The following ZMIZ2 variants were observed in gnomAD, a reference collection of about 807,000 sequenced individuals.
ZMIZ2 encodes the protein zinc finger MIZ-type containing 2, also known as zinc finger MIZ domain-containing protein 2.
ZMIZ2 carries 26 observed loss-of-function variants against 93.9 expected under a neutral mutation model. That is an observed-to-expected ratio of 0.28 (90% confidence interval 0.20 to 0.38). The LOEUF (loss-of-function observed/expected upper bound fraction) is 0.38. Ranked by LOEUF, ZMIZ2 falls within the 10% of genes least tolerant of loss-of-function variation. The probability of loss-of-function intolerance (pLI) is 1.00; values close to 1 mark genes in which losing one functional copy is unlikely to be tolerated. For synonymous variants in ZMIZ2, 485 were observed against 516.4 expected, an observed-to-expected ratio of 0.94 and a Z score of 0.82; for missense variants, 1,023 against 1,235.0, an observed-to-expected ratio of 0.83 and a Z score of 2.57.
chr7:44,756,637 G>C, intron 3 of ZMIZ2, 98 bp downstream of exon 3: 3 of 1,329,618 alleles, frequency 2.3e-6, no homozygotes, highest in Non-Finnish European at 3.2e-6. Flanking sequence ...CGAAGAGGCT[G>C]AGAGGTGAGG....
At chr7:44,751,646 T>C (rs921532830) in intron 1 of ZMIZ2, among the ~76,000 whole-genome samples, 1 of 152,266 alleles carries the variant, frequency 6.6e-6, no homozygotes, top group Non-Finnish European at 1.5e-5. Flanking sequence ...AGTTGTATTG[T>C]AATTAAACTT....
At chr7:44,764,377 T>A in intron 13 of ZMIZ2, 42 bp from the exon 14 acceptor site, 1 of 1,602,632 alleles carries the variant, frequency 6.2e-7, no homozygotes, top group Non-Finnish European at 8.5e-7. Flanking sequence ...TTCCCTGTGC[T>A]ACCCACAATG....
Position 44,763,826 on chromosome 7 carries a change from TG to T in ZMIZ2, c.1860+414del, listed in dbSNP as rs1562744067. ...CCCTATTGCACAAACTGCTCTGTGC[TG>T]TCGTTTTTCTTCTTTTAACACCATG... On this transcript the variant is annotated intron_variant, in intron 13 of 18. Coordinates refer to ENST00000309315, the MANE Select transcript of ZMIZ2 (RefSeq NM_031449.4). This position sits in a 1 kb window ranked among gnomAD's most constrained non-coding sequence, Gnocchi z 5.6. The T allele has an allele frequency of 5.3e-6, 1 of 189,762 alleles. No homozygotes were observed. The highest frequency in any genetic ancestry group is 1.1e-5 in the Non-Finnish European group (1 of 91,398). The allele number at this position is 189,762 out of a possible 1,614,324, so 11.8% of individuals were successfully genotyped here.
At chr7:44,756,646 G>C in intron 3 of ZMIZ2, 107 bp downstream of exon 3, 1 of 1,240,918 alleles carries the variant, frequency 8.1e-7, no homozygotes, top group South Asian at 1.3e-5. Flanking sequence ...TGAGAGGTGA[G>C]GACAGAGAGG....
rs763663036 is a variant in ZMIZ2, at chr7:44,763,421, G to A, written c.1860+8G>A. 23 of 1,613,710 alleles carry A rather than the reference G, an allele frequency of 1.4e-5. No individual in the cohort carries two copies. The highest frequency in any genetic ancestry group is 7.7e-5 in the South Asian group (7 of 91,070). On this transcript the variant is annotated splice_region_variant and intron_variant, in intron 13 of 18. Transcript: ENST00000309315. This position sits in a 1 kb window ranked among gnomAD's most constrained non-coding sequence, Gnocchi z 5.6. ...GACTGTCGCCACATACAGGTAGGTG[G>A]TTACTGCAGAGTCTTGCCGGAATTT... is the stretch of plus-strand genomic sequence containing the variant.
chr7:44,762,014 A>T, intron 11 of ZMIZ2, 109 bp downstream of exon 11: 1 of 1,305,262 alleles, frequency 7.7e-7, no homozygotes, highest in South Asian at 1.6e-5. Context: ...GGCCTGGCCC[A>T]GCGGCGCAGT....
At chr7:44,767,212 T>C (rs1449937719) in intron 18 of ZMIZ2, among the ~76,000 whole-genome samples, 1 of 152,162 alleles carries the variant, frequency 6.6e-6, no homozygotes, top group Non-Finnish European at 1.5e-5. Context: ...CGCAGGCTGA[T>C]GCACAGAGGG....
chr7:44,748,870 G>T lies in ZMIZ2; in HGVS notation c.-184G>T, dbSNP rs1169775132. The T allele has an allele frequency of 6.7e-6, 1 of 148,280 alleles. No individual in the cohort carries two copies. Among genetic ancestry groups the T allele is most frequent in the Non-Finnish European group, 1.5e-5 (1 of 66,416 alleles). 9.2% of individuals were successfully genotyped at this position (148,280 alleles called of 1,614,324 possible). A position where few individuals can be genotyped will look rare whatever the true frequency, so the allele number is the denominator to read the frequency against. On this transcript the variant is annotated 5_prime_UTR_variant, in exon 1 of 19. Transcript: ENST00000309315. ...CCATTGTGCCCTCGGAGCGGGCGGC[G>T]GCGCGATGGCGCGGGTGGCGGCGGC...
At chr7:44,749,903 T>A (rs1789992698) in intron 1 of ZMIZ2, 1 of 152,224 alleles carries the variant, frequency 6.6e-6, no homozygotes, top group South Asian at 2.1e-4. Flanking sequence ...CACCAAGTTC[T>A]GGCAAGCTAG....
chr7:44,760,089 T>TTGAAGCC, intron 7 of ZMIZ2, 62 bp from the exon 8 acceptor site: 1 of 1,595,478 alleles, frequency 6.3e-7, no homozygotes, highest in African/African-American at 1.3e-5. Context: ...TAGGGTCAGG[T>TTGAAGCC]CCAGGGGGCC....
Position 44,756,193 on chromosome 7 carries a change from G to A in ZMIZ2, c.-57G>A. On this transcript the variant is annotated 5_prime_UTR_variant, in exon 2 of 19. Transcript: ENST00000309315. ...CCTTCCTTCCTGTCGGGCAGCCAGA[G>A]CAGCTGAGTTCCAGATAAAAACTGT... 6.2e-7 allele frequency: 1 copy of A among 1,612,612 alleles called. No individual in the cohort carries two copies. The highest frequency in any genetic ancestry group is 8.5e-7 in the Non-Finnish European group (1 of 1,178,890).
Position 44,760,541 on chromosome 7 carries a change from C to T in ZMIZ2, c.1188C>T (p.Pro396=), listed in dbSNP as rs775409033. The T allele has an allele frequency of 1.2e-6, 2 of 1,614,174 alleles. No homozygotes were observed. Among genetic ancestry groups the T allele is most frequent in the South Asian group, 2.2e-5 (2 of 91,088 alleles). Residue 396 remains proline (P), a synonymous_variant, in exon 9 of 19, where the codon CCC becomes CCT. Coordinates refer to ENST00000309315, the MANE Select transcript of ZMIZ2 (RefSeq NM_031449.4). The part of the protein sequence containing the change: ...YMSPNQEVKS[P]FLPDLKPNLN... ...CACCAAACCAAGAGGTCAAGTCTCC[C>T]TTCTTGCCTGATCTCAAGCCCAACC...
chr7:44,764,379 C>T, intron 13 of ZMIZ2, 40 bp from the exon 14 acceptor site: 1 of 1,604,714 alleles, frequency 6.2e-7, no homozygotes, highest in Non-Finnish European at 8.5e-7. Flanking sequence ...CCCTGTGCTA[C>T]CCACAATGAG....
intron 1 of ZMIZ2, 115 bp from the exon 2 acceptor site, chr7:44,756,073 C>T: frequency 1.3e-6 from 1 of 793,740 alleles, no homozygotes. Context: ...CATCAGAGCC[C>T]AGGGGTCCCT....
At chr7:44,758,960 T>A (rs1468007955) in intron 6 of ZMIZ2, among the ~76,000 whole-genome samples, 5 of 148,596 alleles carry the variant, frequency 3.4e-5, no homozygotes, top group Non-Finnish European at 7.4e-5. Flanking sequence ...TGTGCACCTG[T>A]AATTCCAGCT....
chr7:44,762,231 C>G (rs1163166914), intron 11 of ZMIZ2, among the ~76,000 whole-genome samples: 1 of 152,208 alleles, frequency 6.6e-6, no homozygotes. Flanking sequence ...TCATCCTTGC[C>G]CTTTAAGAAA....
At position 44,765,668 on chromosome 7, in the gene ZMIZ2, G is replaced by A. The variant is rs1196297009; in HGVS notation, c.2242+89G>A. On this transcript the variant is annotated intron_variant, in intron 16 of 18. Coordinates refer to ENST00000309315, the MANE Select transcript of ZMIZ2 (RefSeq NM_031449.4). This position sits in a 1 kb window ranked among gnomAD's most constrained non-coding sequence, Gnocchi z 4.1. ...TCAGTCTCCTCACCTGCAAGAATGT[G>A]GCTATGCAGGTCACACACCTAGGTT... 3.3e-6 allele frequency: 5 copies of A among 1,513,368 alleles called. No homozygotes were observed. Among genetic ancestry groups the A allele is most frequent in the African/African-American group, 2.7e-5 (2 of 73,126 alleles). The allele number at this position is 1,513,368 out of a possible 1,614,324, so 93.7% of individuals were successfully genotyped here.
chr7:44,763,626 T>A lies in ZMIZ2; in HGVS notation c.1860+213T>A. The A allele has an allele frequency of 1.6e-6, 1 of 619,042 alleles. No homozygotes were observed. Among genetic ancestry groups the A allele is most frequent in the East Asian group, 3.0e-5 (1 of 33,592 alleles). The allele number at this position is 619,042 out of a possible 1,614,324, so 38.3% of individuals were successfully genotyped here. On this transcript the variant is annotated intron_variant, in intron 13 of 18. Transcript: ENST00000309315. The surrounding 1 kb of genome is among the most constrained non-coding windows in gnomAD (Gnocchi z 5.6). ...CAAATATAATTGTCATTTTACTAAC[T>A]TTTTTACTGCCTGCTTCATTCATGG... is the stretch of plus-strand genomic sequence containing the variant.
Position 44,766,378 on chromosome 7 carries a change from G to T in ZMIZ2, c.2413-43G>T. On this transcript the variant is annotated intron_variant, in intron 17 of 18. Transcript: ENST00000309315. This position sits in a 1 kb window ranked among gnomAD's most constrained non-coding sequence, Gnocchi z 4.4. ...GCCAAGGGGCCCTGTCTCCCCAGGG[G>T]AGCCCCTGAGCTGTTTTAACAAATT... is the stretch of plus-strand genomic sequence containing the variant. The T allele has an allele frequency of 1.2e-6, 2 of 1,611,606 alleles. No individual in the cohort carries two copies. The highest frequency in any genetic ancestry group is 3.3e-5 in the Admixed American group (2 of 59,864).
Sources: gnomAD v4.1 joint callset for allele counts (sites outside exome capture counted in the v4.1 genomes callset) on GRCh38, gnomAD v4.1.1 for gene constraint, Gnocchi (gnomAD v3.1) non-coding constraint, MANE v1.5 for transcripts, NCBI Gene and HGNC (gene_info 2026-07-23, HGNC 2026-07-21) for gene names.